ERLIN1: variants seen among roughly 807,000 people sequenced by gnomAD.
ERLIN1 encodes the protein ER lipid raft associated 1, also known as erlin-1.
A neutral mutation model predicts 46.9 loss-of-function variants in ERLIN1; 24 were observed. The observed-to-expected ratio is 0.51, with a 90% CI of 0.37 to 0.72. ERLIN1 has a LOEUF of 0.72. Among genes scored for constraint, ERLIN1 ranks in the 30% least tolerant of loss-of-function variants. The probability of loss-of-function intolerance (pLI) is 0.00; values close to 1 mark genes in which losing one functional copy is unlikely to be tolerated. For synonymous variants in ERLIN1, 158 were observed against 143.2 expected, an observed-to-expected ratio of 1.10 and a Z score of -0.74; for missense variants, 293 against 417.9, an observed-to-expected ratio of 0.70 and a Z score of 2.61.
chr10:100,182,592 A>T (rs1163417490), intron 2 of ERLIN1, among the ~76,000 whole-genome samples: 1 of 152,244 alleles, frequency 6.6e-6, no homozygotes, highest in Non-Finnish European at 1.5e-5. Context: ...AGAAATATAA[A>T]TGTGTTACAA....
At chr10:100,181,487 T>G (rs1844639768) in intron 2 of ERLIN1, among the ~76,000 whole-genome samples, 1 of 152,062 alleles carries the variant, frequency 6.6e-6, no homozygotes, top group Non-Finnish European at 1.5e-5. Flanking sequence ...AAAAATAAAT[T>G]TATGTCTTAC....
At chr10:100,162,959 A>G (rs894055973) in intron 8 of ERLIN1, among the ~76,000 whole-genome samples, 2 of 152,190 alleles carry the variant, frequency 1.3e-5, no homozygotes, top group Admixed American at 1.3e-4. Flanking sequence ...AGTGTTTGTA[A>G]TAAGGAAAAA....
chr10:100,177,986 T>C (rs1202792684), intron 4 of ERLIN1, 147 bp downstream of exon 4: 7 of 605,412 alleles, frequency 1.2e-5, no homozygotes, highest in Non-Finnish European at 2.0e-5. Context: ...TTCTGACCTA[T>C]TTTTGCCTCT....
At chr10:100,176,660 C>T (rs530360867) in intron 4 of ERLIN1, among the ~76,000 whole-genome samples, 2 of 152,240 alleles carry the variant, frequency 1.3e-5, no homozygotes, top group South Asian at 4.1e-4. Flanking sequence ...CCTAAATTTG[C>T]ATATTAGGAA....
intron 6 of ERLIN1, among the ~76,000 whole-genome samples, chr10:100,170,228 C>A (rs535224421): frequency 8.5e-5 from 13 of 152,156 alleles, no homozygotes; most frequent in Non-Finnish European, 1.5e-4. Flanking sequence ...TAACAAAGCT[C>A]AAAAACAGCC....
At chr10:100,182,115 T>C (rs1434319435) in intron 2 of ERLIN1, among the ~76,000 whole-genome samples, 2 of 152,078 alleles carry the variant, frequency 1.3e-5, no homozygotes, top group African/African-American at 2.4e-5. Context: ...TGCATCAGTA[T>C]GACTTAACAT....
intron 7 of ERLIN1, among the ~76,000 whole-genome samples, chr10:100,166,030 A>T (rs1843619237): frequency 6.6e-6 from 1 of 152,186 alleles, no homozygotes; most frequent in Non-Finnish European, 1.5e-5. Flanking sequence ...CCCGCCTATA[A>T]ATATTTTTTC....
intron 2 of ERLIN1, among the ~76,000 whole-genome samples, chr10:100,181,482 T>A (rs1467108233): frequency 6.6e-6 from 1 of 151,540 alleles, no homozygotes; most frequent in Non-Finnish European, 1.5e-5. Context: ...TTCCTAAAAA[T>A]AAATTTATGT....
At position 100,179,233 on chromosome 10, in the gene ERLIN1, A is replaced by G. The variant is rs1844491744; in HGVS notation, c.210T>C (p.Thr70=). 1 of 1,596,182 alleles carries G rather than the reference A, an allele frequency of 6.3e-7. No individual in the cohort carries two copies. Among genetic ancestry groups the G allele is most frequent in the Non-Finnish European group, 8.5e-7 (1 of 1,170,496 alleles). The part of the protein sequence containing the change: ...TFRSVQTTLQ[T]DEVKNVPCGT... ...CACAAGGCACATTTTTAACTTCATC[A>G]GTTTGTAGTGTTGTCTAGGGAGGAA... Residue 70 remains threonine (T), a synonymous_variant, in exon 3 of 11, where the codon ACT becomes ACC. Transcript: ENST00000421367.
chr10:100,155,277 A>G (rs1443139281), intron 9 of ERLIN1, among the ~76,000 whole-genome samples: 1 of 152,074 alleles, frequency 6.6e-6, no homozygotes, highest in African/African-American at 2.4e-5. Context: ...AGCTCTATTT[A>G]CTGCATTGTC....
At chr10:100,177,882 T>G (rs1844399688) in intron 4 of ERLIN1, among the ~76,000 whole-genome samples, 1 of 152,240 alleles carries the variant, frequency 6.6e-6, no homozygotes, top group Admixed American at 6.5e-5. Flanking sequence ...ACTTTCCTAT[T>G]CTAGAAATAA....
chr10:100,185,664 G>A lies in ERLIN1; in HGVS notation c.-38C>T, dbSNP rs777915257. 6.5e-7 allele frequency: 1 copy of A among 1,529,838 alleles called. No individual in the cohort carries two copies. Among genetic ancestry groups the A allele is most frequent in the South Asian group, 1.1e-5 (1 of 89,390 alleles). 94.8% of individuals were successfully genotyped at this position (1,529,838 alleles called of 1,614,324 possible). On this transcript the variant is annotated 5_prime_UTR_variant, in exon 1 of 11. Transcript: ENST00000421367. ...TGGGAGCGGGAGAAAAGGACCCTCA[G>A]TCCCGTGAGTGACAGGTCCACCCCC...
intron 6 of ERLIN1, among the ~76,000 whole-genome samples, chr10:100,171,959 G>T (rs1280093595): frequency 1.3e-5 from 2 of 152,082 alleles, no homozygotes; most frequent in African/African-American, 2.4e-5. Flanking sequence ...CTGCTAATGA[G>T]GGGGGGAGCT....
At chr10:100,154,428 T>C (rs1739064767) in intron 10 of ERLIN1, among the ~76,000 whole-genome samples, 1 of 152,192 alleles carries the variant, frequency 6.6e-6, no homozygotes, top group South Asian at 2.1e-4. Flanking sequence ...GGGCCAGGGA[T>C]ACAAAATATC....
chr10:100,171,169 G>A (rs190934107), intron 6 of ERLIN1, among the ~76,000 whole-genome samples: 8 of 152,134 alleles, frequency 5.3e-5, no homozygotes, highest in Admixed American at 4.6e-4. Flanking sequence ...AAACATGCCA[G>A]CTCAGCAACA....
At chr10:100,162,266 A>T (rs1353844488) in intron 8 of ERLIN1, among the ~76,000 whole-genome samples, 1 of 152,174 alleles carries the variant, frequency 6.6e-6, no homozygotes, top group African/African-American at 2.4e-5. Context: ...CAAAAAAGGA[A>T]ACTTGAATGA....
At chr10:100,165,304 C>T (rs1843568981) in intron 7 of ERLIN1, among the ~76,000 whole-genome samples, 1 of 151,896 alleles carries the variant, frequency 6.6e-6, no homozygotes, top group Non-Finnish European at 1.5e-5. Flanking sequence ...TTGATAAAGA[C>T]ATCAAATGAC....
intron 1 of ERLIN1, among the ~76,000 whole-genome samples, chr10:100,185,044 T>C (rs982211748): frequency 4.6e-5 from 7 of 151,412 alleles, no homozygotes; most frequent in African/African-American, 1.7e-4. Context: ...CTTATGTCCC[T>C]GGAGGTCCAG....
chr10:100,168,120 C>T (rs1187424858), intron 6 of ERLIN1, among the ~76,000 whole-genome samples: 1 of 152,174 alleles, frequency 6.6e-6, no homozygotes, highest in African/African-American at 2.4e-5. Context: ...GACTTTTCTA[C>T]ATCAAGGACT....
Sources: gnomAD v4.1 joint callset for allele counts (sites outside exome capture counted in the v4.1 genomes callset) on GRCh38, gnomAD v4.1.1 for gene constraint, MANE v1.5 for transcripts, NCBI Gene and HGNC (gene_info 2026-07-23, HGNC 2026-07-21) for gene names.